The following ZNF462 variants were observed in gnomAD, a reference collection of about 807,000 sequenced individuals.
The protein encoded by ZNF462 is zinc finger protein 462.
A neutral mutation model predicts 201.9 loss-of-function variants in ZNF462; 10 were observed. The ratio of observed to expected loss-of-function variants is 0.05; its 90% CI spans 0.03 to 0.08. The LOEUF (loss-of-function observed/expected upper bound fraction) is 0.08, where lower values mean the gene tolerates loss of function less well. Ranked by LOEUF, ZNF462 falls within the 10% of genes least tolerant of loss-of-function variation. The pLI is 1.00. For missense variants in ZNF462, 2,523 were observed against 3,168.3 expected, an observed-to-expected ratio of 0.80 and a Z score of 4.89; for synonymous variants, 1,227 against 1,193.3, an observed-to-expected ratio of 1.03 and a Z score of -0.58.
chr9:106,928,859 C>T lies in ZNF462; in HGVS notation c.4947C>T (p.Phe1649=). 2 of 1,614,084 alleles carry T rather than the reference C, an allele frequency of 1.2e-6. No individual in the cohort carries two copies. The highest frequency in any genetic ancestry group is 1.1e-5 in the South Asian group (1 of 91,078). ...AGGAGCCCGTGTCCACTTCTCACTT[C>T]TCTACCTCCCACCTGGTCTCCCACA... is the stretch of plus-strand genomic sequence containing the variant. ...VGEEPVSTSH[F]STSHLVSHTV... The change falls in exon 3 of 13, where the codon TTC becomes TTT. Residue 1649 remains phenylalanine, a synonymous_variant. Transcript: ENST00000277225. This position sits in a 1 kb window ranked among gnomAD's most constrained non-coding sequence, Gnocchi z 9.3.
At chr9:106,991,839 T>TAC (rs200978759) in intron 10 of ZNF462, among the ~76,000 whole-genome samples, 5,824 of 136,220 alleles carry the variant, frequency 0.043, 129 homozygotes, top group East Asian at 0.068. Context: ...CAGCACTCTC[T>TAC]ACACACACAC....
At position 106,865,850 on chromosome 9, in the gene ZNF462, A is replaced by G. The variant is rs1827307372; in HGVS notation, c.-31+2495A>G. Among the ~76,000 whole-genome samples the G allele has an allele frequency of 6.6e-6, 1 of 152,244 alleles. No homozygotes were observed. The highest frequency in any genetic ancestry group is 2.4e-5 in the African/African-American group (1 of 41,468). On this transcript the variant is annotated intron_variant, in intron 1 of 12. Coordinates refer to ENST00000277225, the MANE Select transcript of ZNF462 (RefSeq NM_021224.6). The surrounding 1 kb of genome is among the most constrained non-coding windows in gnomAD (Gnocchi z 4.1). Reference sequence around the variant, plus strand: ...AAAGGACCCAGTGCTACCCTAGTCCACACACATTGATGGGAGCTCTTCACA... The same window carrying G: ...AAAGGACCCAGTGCTACCCTAGTCCGCACACATTGATGGGAGCTCTTCACA...
intron 1 of ZNF462, among the ~76,000 whole-genome samples, chr9:106,864,179 G>C (rs1827221423): frequency 6.7e-6 from 1 of 150,090 alleles, no homozygotes; most frequent in Admixed American, 6.6e-5. Flanking sequence ...GCTGGTGCCG[G>C]TGCTGCTGGT....
Position 106,923,632 on chromosome 9 carries a change from G to A in ZNF462, c.220+29G>A, listed in dbSNP as rs771452221. 1.3e-5 allele frequency: 21 copies of A among 1,603,874 alleles called. No individual in the cohort carries two copies. Among genetic ancestry groups the A allele is most frequent in the Admixed American group, 6.7e-5 (4 of 59,964 alleles). ...AATCTATACTAAACTTGGCACGGCC[G>A]ATGTATTTTAATTGCTCTTGTTTCC... is the stretch of plus-strand genomic sequence containing the variant. On this transcript the variant is annotated intron_variant, in intron 2 of 12. Transcript: ENST00000277225. This position sits in a 1 kb window ranked among gnomAD's most constrained non-coding sequence, Gnocchi z 5.6.
At position 106,920,125 on chromosome 9, in the gene ZNF462, T is replaced by A. The variant is rs184049710; in HGVS notation, c.-30-3229T>A. Among the ~76,000 whole-genome samples, 264 of 152,152 alleles carry A rather than the reference T, an allele frequency of 1.7e-3. No homozygotes were observed. The highest frequency in any genetic ancestry group is 5.9e-3 in the African/African-American group (244 of 41,526). ...CTCTTCGGGATTGATGAAGAAGATA[T>A]GCAGAGCTTATTTCTCACCTTTTTT... On this transcript the variant is annotated intron_variant, in intron 1 of 12. Transcript: ENST00000277225. This position sits in a 1 kb window ranked among gnomAD's most constrained non-coding sequence, Gnocchi z 4.3.
intron 7 of ZNF462, among the ~76,000 whole-genome samples, chr9:106,947,615 A>C (rs1232325752): frequency 6.6e-6 from 1 of 152,214 alleles, no homozygotes; most frequent in African/African-American, 2.4e-5. Flanking sequence ...TAAATATGTC[A>C]TCTGCTTTAA....
chr9:106,983,286 CTCTT>C (rs1213730656), intron 9 of ZNF462, among the ~76,000 whole-genome samples: 1 of 152,172 alleles, frequency 6.6e-6, no homozygotes, highest in Non-Finnish European at 1.5e-5. Context: ...AATCCTCTCT[CTCTT>C]TTATTTTTTC....
chr9:106,925,562 G>GCCACCA lies in ZNF462; in HGVS notation c.1657_1662dup (p.Pro553_Pro554dup), dbSNP rs1830159431. 1 of 1,610,440 alleles carries GCCACCA rather than the reference G, an allele frequency of 6.2e-7. No homozygotes were observed. ...CACCGCAGCCACCACCACCGCCGCC[G>GCCACCA]CCACCACCACCATCACAGCCACAGC... On this transcript the variant is annotated inframe_insertion, in exon 3 of 13. Coordinates refer to ENST00000277225, the MANE Select transcript of ZNF462 (RefSeq NM_021224.6). The surrounding 1 kb of genome is among the most constrained non-coding windows in gnomAD (Gnocchi z 7.9).
Position 106,968,815 on chromosome 9 carries a change from A to G in ZNF462, c.6428-3190A>G, listed in dbSNP as rs889293287. On this transcript the variant is annotated intron_variant, in intron 7 of 12. Transcript: ENST00000277225. This position sits in a 1 kb window ranked among gnomAD's most constrained non-coding sequence, Gnocchi z 4.0. ...TTTAACCTTTCTTTCCTTAAGCTCA[A>G]AATGAAAGAAAATAGTCTTAATGAT... Among the ~76,000 whole-genome samples the G allele has an allele frequency of 6.6e-6, 1 of 152,216 alleles. No homozygotes were observed. The highest frequency in any genetic ancestry group is 2.4e-5 in the African/African-American group (1 of 41,456).
rs182154834 is a variant in ZNF462, at chr9:106,901,100, G to A, written c.-30-22254G>A. Among the ~76,000 whole-genome samples, 409 of 152,234 alleles carry A rather than the reference G, an allele frequency of 2.7e-3. 1 individual carries two copies. Among genetic ancestry groups the A allele is most frequent in the African/African-American group, 9.1e-3 (376 of 41,530 alleles). On this transcript the variant is annotated intron_variant, in intron 1 of 12. Coordinates refer to ENST00000277225, the MANE Select transcript of ZNF462 (RefSeq NM_021224.6). ...ATGATCCAGTTTCATTCTCCTACAA[G>A]TGGCTAACCAGTTATCCCAGTAATT...
At position 106,919,871 on chromosome 9, in the gene ZNF462, G is replaced by T. The variant is rs1029650993; in HGVS notation, c.-30-3483G>T. Among the ~76,000 whole-genome samples the T allele has an allele frequency of 5.3e-5, 8 of 152,310 alleles. No homozygotes were observed. Among genetic ancestry groups the T allele is most frequent in the East Asian group, 1.9e-4 (1 of 5,186 alleles). The stretch of plus-strand genomic sequence containing the variant: ...TCTGGGGTAGAAGACAGGGATGCTT[G>T]TTTGATATGTAGATTCATCTCATGA... On this transcript the variant is annotated intron_variant, in intron 1 of 12. Coordinates refer to ENST00000277225, the MANE Select transcript of ZNF462 (RefSeq NM_021224.6). This position sits in a 1 kb window ranked among gnomAD's most constrained non-coding sequence, Gnocchi z 4.5.
intron 7 of ZNF462, among the ~76,000 whole-genome samples, chr9:106,939,686 A>C (rs1350595118): frequency 6.6e-6 from 1 of 152,198 alleles, no homozygotes; most frequent in Non-Finnish European, 1.5e-5. Flanking sequence ...TTTCAGAAGA[A>C]ATACAGGAAG....
intron 1 of ZNF462, among the ~76,000 whole-genome samples, chr9:106,918,378 G>GAT (rs1031042655): frequency 9.9e-5 from 15 of 152,056 alleles, no homozygotes; most frequent in African/African-American, 3.4e-4. Context: ...TTTGTGTATA[G>GAT]ATATATATAT....
intron 7 of ZNF462, among the ~76,000 whole-genome samples, chr9:106,949,516 C>A (rs1231520890): frequency 6.6e-6 from 1 of 152,158 alleles, no homozygotes; most frequent in African/African-American, 2.4e-5. Context: ...CTTCTCCCTT[C>A]CTCCCACCCC....
chr9:106,869,298 A>G (rs1219316314), intron 1 of ZNF462, among the ~76,000 whole-genome samples: 1 of 152,184 alleles, frequency 6.6e-6, no homozygotes, highest in Admixed American at 6.5e-5. Context: ...CCCTCCGTGT[A>G]TCTTCTTGGA....
chr9:106,947,534 T>C (rs1831164315), intron 7 of ZNF462, among the ~76,000 whole-genome samples: 1 of 152,230 alleles, frequency 6.6e-6, no homozygotes, highest in Admixed American at 6.5e-5. Context: ...ATAACGGTTC[T>C]GCATGTCTCT....
chr9:106,976,010 G>C (rs922940097), intron 9 of ZNF462: 1 of 152,202 alleles, frequency 6.6e-6, no homozygotes, highest in African/African-American at 2.4e-5. Context: ...ACTTGAGAGT[G>C]AGACAAACTA....
Position 107,006,658 on chromosome 9 carries a change from C to T in ZNF462, c.7190-2887C>T, listed in dbSNP as rs1255498946. 6.6e-6 allele frequency among the ~76,000 whole-genome samples: 1 copy of T among 152,100 alleles called. No homozygotes were observed. The highest frequency in any genetic ancestry group is 6.5e-5 in the Admixed American group (1 of 15,270). On this transcript the variant is annotated intron_variant, in intron 11 of 12. Transcript: ENST00000277225. This position sits in a 1 kb window ranked among gnomAD's most constrained non-coding sequence, Gnocchi z 4.3. ...CTCCAAGGTGTTCCCTGTTCCTTTT[C>T]CTGACTTGCACTCACCCTCCTACCA...
rs1827086803 is a variant in ZNF462 at position 106,977,379 on chromosome 9, C to G, written c.6832+3106C>G. Among the ~76,000 whole-genome samples, 1 of 151,552 alleles carries G rather than the reference C, an allele frequency of 6.6e-6. No homozygotes were observed. Among genetic ancestry groups the G allele is most frequent in the Admixed American group, 6.6e-5 (1 of 15,256 alleles). On this transcript the variant is annotated intron_variant, in intron 9 of 12. Coordinates refer to ENST00000277225, the MANE Select transcript of ZNF462 (RefSeq NM_021224.6). This position sits in a 1 kb window ranked among gnomAD's most constrained non-coding sequence, Gnocchi z 4.6. ...GTATGTGGGATGAAAAGCAAGAAAA[C>G]CAACTTCTGAACTGGCCCAGAGACA...
Sources: allele counts gnomAD v4.1 joint callset (sites outside exome capture counted in the v4.1 genomes callset), GRCh38; gene constraint gnomAD v4.1.1; non-coding constraint Gnocchi (gnomAD v3.1); transcripts MANE v1.5; gene names NCBI Gene and HGNC (gene_info 2026-07-23, HGNC 2026-07-21).